Variants in FBXL2 observed in about 807,000 individuals in gnomAD.
FBXL2 encodes F-box and leucine rich repeat protein 2.
In FBXL2, 38 loss-of-function variants were observed where a neutral mutation model predicts 69.2. The observed-to-expected ratio is 0.55, with a 90% CI of 0.42 to 0.72. FBXL2 has a LOEUF of 0.72. Among genes scored for constraint, FBXL2 ranks in the 30% least tolerant of loss-of-function variants. FBXL2 has a pLI of 0.00. For synonymous variants in FBXL2, 192 were observed against 201.3 expected, an observed-to-expected ratio of 0.95 and a Z score of 0.39; for missense variants, 354 against 520.3, an observed-to-expected ratio of 0.68 and a Z score of 3.11.
intron 2 of FBXL2, among the ~76,000 whole-genome samples, chr3:33,308,788 T>A (rs1229390480): frequency 6.6e-6 from 1 of 152,216 alleles, no homozygotes. Context: ...TTTGGTATGT[T>A]GTGTGTCCAT....
At chr3:33,389,820 T>C (rs987987176), downstream of FBXL2, 24 of 154,462 alleles carry the variant, frequency 1.6e-4, no homozygotes, top group Admixed American at 9.7e-4. Context: ...CCGAGCCTCT[T>C]ACCTGACCAC....
intron 2 of FBXL2, among the ~76,000 whole-genome samples, chr3:33,344,919 A>G (rs1347150449): frequency 1.3e-5 from 2 of 152,192 alleles, no homozygotes; most frequent in Non-Finnish European, 2.9e-5. Flanking sequence ...AGAAGAAACC[A>G]AAGTCTGAAG....
intron 2 of FBXL2, among the ~76,000 whole-genome samples, chr3:33,345,998 G>A (rs2040404618): frequency 6.6e-6 from 1 of 152,022 alleles, no homozygotes; most frequent in African/African-American, 2.4e-5. Context: ...AGGCCAAGGT[G>A]GGTGGATCAC....
chr3:33,322,220 G>A (rs1221067568), intron 2 of FBXL2, among the ~76,000 whole-genome samples: 3 of 151,722 alleles, frequency 2.0e-5, no homozygotes, highest in Non-Finnish European at 2.9e-5. Flanking sequence ...TGGGACTACC[G>A]GTGCCTGCCA....
At chr3:33,396,137 G>C in intron 12 of FBXL2, 1 of 1,525,802 alleles carries the variant, frequency 6.6e-7, no homozygotes, top group South Asian at 1.2e-5. Context: ...AGAAGTGACA[G>C]AATTGAGATG....
At chr3:33,411,419 A>G in the FBXL2 span, among the ~76,000 whole-genome samples, 4 of 152,344 alleles carry the variant, frequency 2.6e-5, no homozygotes, top group East Asian at 7.7e-4. Context: ...AGTTTAAAAT[A>G]GGGTGAACTT....
chr3:33,420,264 T>C, the FBXL2 span, among the ~76,000 whole-genome samples: 18 of 152,236 alleles, frequency 1.2e-4, no homozygotes, highest in Admixed American at 5.9e-4. Context: ...CTGAAATATT[T>C]AACGGAATTC....
chr3:33,396,690 A>G (rs1559668187), intron 12 of FBXL2: 1 of 445,608 alleles, frequency 2.2e-6, no homozygotes, highest in Non-Finnish European at 4.3e-6. Context: ...TACATTTTTA[A>G]TAACTGTTTA....
intron 2 of FBXL2, among the ~76,000 whole-genome samples, chr3:33,312,843 A>C (rs1037900573): frequency 6.6e-6 from 1 of 152,174 alleles, no homozygotes; most frequent in Admixed American, 6.6e-5. Context: ...ATGATAGGCC[A>C]GGAGTGGTGG....
At chr3:33,302,611 A>G (rs2036388331) in intron 2 of FBXL2, among the ~76,000 whole-genome samples, 1 of 152,212 alleles carries the variant, frequency 6.6e-6, no homozygotes, top group Non-Finnish European at 1.5e-5. Context: ...TGAGGAGACA[A>G]AGCTCTAGTT....
intron 2 of FBXL2, among the ~76,000 whole-genome samples, chr3:33,305,844 T>C (rs1053708144): frequency 6.6e-6 from 1 of 151,938 alleles, no homozygotes; most frequent in African/African-American, 2.4e-5. Context: ...TAGCTGTCTT[T>C]TTATTTTCTT....
chr3:33,378,376 T>C (rs888924872), intron 12 of FBXL2, among the ~76,000 whole-genome samples: 1 of 152,134 alleles, frequency 6.6e-6, no homozygotes, highest in Admixed American at 6.5e-5. Context: ...CTCTATAAAA[T>C]AAGCTTGCAT....
intron 1 of FBXL2, among the ~76,000 whole-genome samples, chr3:33,289,407 C>T (rs2034996483): frequency 1.3e-5 from 2 of 152,078 alleles, no homozygotes; most frequent in Admixed American, 6.6e-5. Flanking sequence ...GACATTATTG[C>T]TCCCACTCTG....
chr3:33,331,610 C>A (rs1334194362), intron 2 of FBXL2, among the ~76,000 whole-genome samples: 1 of 152,050 alleles, frequency 6.6e-6, no homozygotes. Context: ...AAAACTGATG[C>A]TAGAAGGATG....
intron 1 of FBXL2, 107 bp from the exon 2 acceptor site, chr3:33,297,557 T>G (rs1207303616): frequency 3.1e-6 from 2 of 654,460 alleles, no homozygotes; most frequent in Admixed American, 3.0e-5. Context: ...ACCCTATTTG[T>G]AGGACAATAA....
At chr3:33,312,546 G>A (rs1216203934) in intron 2 of FBXL2, among the ~76,000 whole-genome samples, 1 of 152,148 alleles carries the variant, frequency 6.6e-6, no homozygotes, top group Non-Finnish European at 1.5e-5. Context: ...CTTTAGCAGG[G>A]AGAGCTTATC....
chr3:33,301,798 T>C (rs1468056507), intron 2 of FBXL2, among the ~76,000 whole-genome samples: 3 of 152,204 alleles, frequency 2.0e-5, no homozygotes, highest in African/African-American at 7.2e-5. Flanking sequence ...GCAACCATTA[T>C]CTATTAGTGA....
At chr3:33,374,828 T>G (rs190589721) in intron 9 of FBXL2, among the ~76,000 whole-genome samples, 102 of 152,270 alleles carry the variant, frequency 6.7e-4, no homozygotes, top group East Asian at 1.7e-3. Flanking sequence ...TCTAAAACAT[T>G]TGATGAAATA....
chr3:33,403,771 A>ATC (rs1171807841), downstream of FBXL2: 1 of 152,202 alleles, frequency 6.6e-6, no homozygotes, highest in Non-Finnish European at 1.5e-5. Flanking sequence ...TGCCAGAGTA[A>ATC]TCTCAAATAC....
Sources: allele counts gnomAD v4.1 joint callset (sites outside exome capture counted in the v4.1 genomes callset), GRCh38; gene constraint gnomAD v4.1.1; transcripts MANE v1.5; gene names NCBI Gene and HGNC (gene_info 2026-07-23, HGNC 2026-07-21).